Variants in POT1 observed in about 807,000 individuals in gnomAD.
POT1 encodes the protein protection of telomeres protein 1.
POT1 carries 47 observed loss-of-function variants against 78.5 expected under a neutral mutation model. The observed-to-expected ratio is 0.60, with a 90% CI of 0.47 to 0.76. POT1 has a LOEUF of 0.76. POT1 is among the 30% of genes least tolerant of loss of function. The pLI, the probability that POT1 is intolerant of heterozygous loss-of-function variation, is 0.00. For missense variants in POT1, 646 were observed against 749.9 expected (o/e 0.86, Z 1.62); for synonymous variants, 259 against 260.7 (o/e 0.99, Z 0.06).
In POT1 at chr7:124,899,698, A is replaced by G. The variant is rs149270640; in HGVS notation, c.-153-1324T>C. Among the ~76,000 whole-genome samples, 170 of 152,108 alleles carry G rather than the reference A, an allele frequency of 1.1e-3. 1 individual carries two copies. Among genetic ancestry groups the G allele is most frequent in the African/African-American group, 3.8e-3 (157 of 41,480 alleles). Reference sequence around the variant, plus strand: ...AAACTAACACCGGAAGATAAACAGAAGTAGGGAAGCCAACAGTTTATCAGT... The same window carrying G: ...AAACTAACACCGGAAGATAAACAGAGGTAGGGAAGCCAACAGTTTATCAGT... On this transcript the variant is annotated intron_variant, in intron 3 of 18. Transcript: ENST00000357628.
At chr7:124,836,376 A>G (rs1794901059) in intron 14 of POT1, among the ~76,000 whole-genome samples, 1 of 152,150 alleles carries the variant, frequency 6.6e-6, no homozygotes, top group African/African-American at 2.4e-5. Flanking sequence ...GTTCTGCTAT[A>G]TCATATTGCA....
chr7:124,917,004 GA>G (rs945743618), intron 2 of POT1, among the ~76,000 whole-genome samples: 1 of 152,048 alleles, frequency 6.6e-6, no homozygotes, highest in Non-Finnish European at 1.5e-5. Flanking sequence ...GACCATTGGT[GA>G]AAACCCACTG....
chr7:124,881,320 G>A (rs974514919), intron 6 of POT1, among the ~76,000 whole-genome samples: 6 of 151,802 alleles, frequency 4.0e-5, no homozygotes, highest in South Asian at 4.2e-4. Context: ...ATAATCTTAC[G>A]AGACCACTGT....
At chr7:124,867,709 C>T (rs550966256) in intron 7 of POT1, among the ~76,000 whole-genome samples, 14 of 151,896 alleles carry the variant, frequency 9.2e-5, no homozygotes, top group African/African-American at 2.9e-4. Context: ...TGCAGTGGTG[C>T]GATCTCGGCT....
At position 124,916,049 on chromosome 7, in the gene POT1, G is replaced by A. The variant is rs142558196; in HGVS notation, c.-226-403C>T. On this transcript the variant is annotated intron_variant, in intron 2 of 18. Transcript: ENST00000357628. The stretch of plus-strand genomic sequence containing the variant: ...ATGCAAAATGGAAATCTCATATAGT[G>A]TGGACAAATCAACAGATTAAGACAC... Among the ~76,000 whole-genome samples the A allele has an allele frequency of 4.9e-3, 750 of 152,206 alleles. 9 individuals carry two copies. The highest frequency in any genetic ancestry group is 0.017 in the African/African-American group (688 of 41,550).
intron 9 of POT1, among the ~76,000 whole-genome samples, chr7:124,857,022 T>C (rs1795463800): frequency 6.6e-6 from 1 of 152,166 alleles, no homozygotes; most frequent in African/African-American, 2.4e-5. Flanking sequence ...TGATTTGAGT[T>C]GAGTAAACTT....
chr7:124,842,898 G>C lies in POT1; in HGVS notation c.1072C>G (p.Gln358Glu), dbSNP rs1562981898. The stretch of plus-strand genomic sequence containing the variant: ...AATTTTGCTCGGATGCGGTATTGTT[G>C]AGGAGCTTTTTGTTTCAAAATGGCA... ...LCAILKQKAP[Q>E]QYRIRAKLRS... Residue 358 changes from glutamine (Q) to glutamate (E), a missense_variant, in exon 13 of 19, where the codon CAA becomes GAA. Coordinates refer to ENST00000357628, the MANE Select transcript of POT1 (RefSeq NM_015450.3). 2 of 1,609,080 alleles carry C rather than the reference G, an allele frequency of 1.2e-6. No homozygotes were observed. Among genetic ancestry groups the C allele is most frequent in the Admixed American group, 3.4e-5 (2 of 58,690 alleles).
chr7:124,889,694 A>G (rs1796322691), intron 6 of POT1, among the ~76,000 whole-genome samples: 1 of 91,358 alleles, frequency 1.1e-5, no homozygotes, highest in South Asian at 3.5e-4. Context: ...AGGGCCTTTC[A>G]AAATTAGCAA....
At chr7:124,915,412 TA>T (rs1796992681) in intron 3 of POT1, among the ~76,000 whole-genome samples, 161 bp downstream of exon 3, 1 of 152,158 alleles carries the variant, frequency 6.6e-6, no homozygotes, top group African/African-American at 2.4e-5. Context: ...CTAAGATGTT[TA>T]AGTCACATAA....
chr7:124,890,571 T>C (rs1796346403), intron 6 of POT1, among the ~76,000 whole-genome samples: 1 of 151,860 alleles, frequency 6.6e-6, no homozygotes, highest in African/African-American at 2.4e-5. Context: ...TTCAGTATTG[T>C]CTTATTTTAA....
rs35946307 is a variant in POT1 at position 124,914,136 on chromosome 7, G to GAAA, written c.-154+1435_-154+1437dup. ...GGTGACAGAACGAGACTCTGTCTCA[G>GAAA]AAAAAAAAAAAAAAAAAAGAGTATG... On this transcript the variant is annotated intron_variant, in intron 3 of 18. Transcript: ENST00000357628. Among the ~76,000 whole-genome samples the GAAA allele has an allele frequency of 1.7e-3, 192 of 111,152 alleles. 2 individuals are homozygous for GAAA. Among genetic ancestry groups the GAAA allele is most frequent in the African/African-American group, 4.3e-3 (127 of 29,410 alleles). The allele number at this position is 111,152 out of a possible 152,430, so 72.9% of individuals were successfully genotyped here.
At chr7:124,918,229 C>T (rs1797065439) in intron 2 of POT1, among the ~76,000 whole-genome samples, 1 of 152,118 alleles carries the variant, frequency 6.6e-6, no homozygotes. Context: ...GAAAACCAGA[C>T]CAAACTAAAT....
chr7:124,830,639 T>C (rs1049505969), intron 15 of POT1, among the ~76,000 whole-genome samples: 1 of 151,706 alleles, frequency 6.6e-6, no homozygotes, highest in Non-Finnish European at 1.5e-5. Context: ...ACAGAAAAAA[T>C]TAGAAACATA....
At position 124,917,241 on chromosome 7, in the gene POT1, T is replaced by C. The variant is rs1348581962; in HGVS notation, c.-226-1595A>G. Among the ~76,000 whole-genome samples, 6 of 152,076 alleles carry C rather than the reference T, an allele frequency of 3.9e-5. No individual in the cohort carries two copies. In the East Asian group the frequency reaches 9.7e-4, roughly 25 times the overall value. On this transcript the variant is annotated intron_variant, in intron 2 of 18. Coordinates refer to ENST00000357628, the MANE Select transcript of POT1 (RefSeq NM_015450.3). ...AACCAGTACCTAGTAAAAAGTAACA[T>C]GGTCTACTACTGGAAGAGAAGCTCT...
At chr7:124,829,957 CA>C (rs1794721403) in intron 15 of POT1, among the ~76,000 whole-genome samples, 2 of 152,068 alleles carry the variant, frequency 1.3e-5, no homozygotes, top group South Asian at 4.1e-4. Flanking sequence ...CTTGGCCTCC[CA>C]AAGTACTGGG....
At chr7:124,907,424 C>G (rs760228554) in intron 3 of POT1, among the ~76,000 whole-genome samples, 1 of 152,050 alleles carries the variant, frequency 6.6e-6, no homozygotes, top group Admixed American at 6.6e-5. Context: ...CAACAATTAA[C>G]TTAACTGCTT....
Position 124,916,428 on chromosome 7 carries a change from T to G in POT1, c.-226-782A>C, listed in dbSNP as rs188253411. Among the ~76,000 whole-genome samples, 13 of 152,282 alleles carry G rather than the reference T, an allele frequency of 8.5e-5. No homozygotes were observed. The East Asian group carries it at 2.3e-3, about 27-fold the overall frequency. ...GAAAAAAGTGTCAACAATAAAAAGT[T>G]AATCTGTAAATCTCAGAACCTTTCT... On this transcript the variant is annotated intron_variant, in intron 2 of 18. Coordinates refer to ENST00000357628, the MANE Select transcript of POT1 (RefSeq NM_015450.3).
intron 6 of POT1, among the ~76,000 whole-genome samples, chr7:124,880,916 C>T (rs1796102323): frequency 6.6e-6 from 1 of 152,034 alleles, no homozygotes; most frequent in African/African-American, 2.4e-5. Context: ...GATATACTTA[C>T]AGTAGCAATA....
rs777795486 is a variant in POT1, at chr7:124,870,924, A to C, written c.242T>G (p.Phe81Cys). The change falls in exon 7 of 19, where the codon TTT becomes TGT. Residue 81 changes from phenylalanine (F) to cysteine (C), a missense_variant. Around this residue, in one of 2 missense-constraint regions of POT1, gnomAD observed 252 missense variants for 341.4 expected, o/e 0.74. Transcript: ENST00000357628. The part of the protein sequence containing the change: ...IIYKNGDIVR[F>C]HRLKIQVYKK... ...TATGAATTATACCTTCAGCCTGTGA[A>C]AGCGAACAATATCTCCATTTTTATA... is the stretch of plus-strand genomic sequence containing the variant. 1 of 1,607,088 alleles carries C rather than the reference A, an allele frequency of 6.2e-7. No homozygotes were observed. The highest frequency in any genetic ancestry group is 8.5e-7 in the Non-Finnish European group (1 of 1,176,404).
Sources: allele counts gnomAD v4.1 joint callset (sites outside exome capture counted in the v4.1 genomes callset), GRCh38; gene constraint gnomAD v4.1.1; regional missense constraint gnomAD v4.1.1; transcripts MANE v1.5; gene names NCBI Gene and HGNC (gene_info 2026-07-23, HGNC 2026-07-21).